The following C3orf52 variants were observed in gnomAD, a reference collection of about 807,000 sequenced individuals.
C3orf52 encodes the protein chromosome 3 open reading frame 52.
C3orf52 carries 22 observed loss-of-function variants against 24.8 expected under a neutral mutation model. The observed-to-expected ratio is 0.89, with a 90% CI of 0.63 to 1.27. The LOEUF is 1.27. Among genes scored for constraint, C3orf52 ranks in the 50% most tolerant of loss-of-function variants. C3orf52 has a pLI of 0.00. For synonymous variants in C3orf52, 93 were observed against 100.2 expected, an observed-to-expected ratio of 0.93 and a Z score of 0.43; for missense variants, 265 against 260.7, an observed-to-expected ratio of 1.02 and a Z score of -0.11.
intron 1 of C3orf52, among the ~76,000 whole-genome samples, chr3:112,088,208 T>A (rs1350217486): frequency 6.6e-6 from 1 of 152,226 alleles, no homozygotes; most frequent in East Asian, 1.9e-4. Flanking sequence ...ACTTGGAGTG[T>A]GTTCAAGGAA....
At chr3:112,134,012 C>G (rs2074520369), downstream of C3orf52, 1 of 152,344 alleles carries the variant, frequency 6.6e-6, no homozygotes, top group African/African-American at 2.4e-5. Flanking sequence ...CAGACCTCAG[C>G]TGGCAGACAG....
Position 112,128,167 on chromosome 3 carries a change from G to T in C3orf52, c.*47-66G>T, listed in dbSNP as rs778100536. The T allele has an allele frequency of 6.5e-6, 6 of 929,490 alleles. No individual in the cohort carries two copies. The South Asian group carries it at 8.2e-5, about 13-fold the overall frequency. 57.6% of individuals were successfully genotyped at this position (929,490 alleles called of 1,614,324 possible). On this transcript the variant is annotated intron_variant, in intron 4 of 4. Coordinates refer to the C3orf52 transcript ENST00000480282. ...TCTGTGGAAAACTTTTTTTCTCCCCGCAAGCGTGTTTCATTCTAGATAACT... is the reference window on the plus strand; with the variant it reads ...TCTGTGGAAAACTTTTTTTCTCCCCTCAAGCGTGTTTCATTCTAGATAACT...
intron 1 of C3orf52, 139 bp downstream of exon 1, chr3:112,086,684 C>A: frequency 1.8e-6 from 2 of 1,119,884 alleles, no homozygotes; most frequent in Non-Finnish European, 2.5e-6. Context: ...CGCTCGAGTG[C>A]TCTGAATGGA....
chr3:112,099,228 AT>A lies in C3orf52; in HGVS notation c.269-3608del, dbSNP rs2073950889. 2.0e-5 allele frequency among the ~76,000 whole-genome samples: 3 copies of A among 152,098 alleles called. No homozygotes were observed. In the South Asian group the frequency reaches 6.2e-4, roughly 32 times the overall value. ...ACAATTAAACCTCTTTTCTTCATAA[AT>A]TGCCCAGTCTCAGGTAGTTCTTTAT... is the stretch of plus-strand genomic sequence containing the variant. On this transcript the variant is annotated intron_variant, in intron 2 of 5. Transcript: ENST00000264848.
chr3:112,086,679 G>A (rs1559968170), intron 1 of C3orf52, 134 bp downstream of exon 1: 2 of 1,164,876 alleles, frequency 1.7e-6, no homozygotes, highest in Non-Finnish European at 2.4e-6. Flanking sequence ...GGGCGCGCTC[G>A]AGTGCTCTGA....
At chr3:112,098,426 T>C (rs1370956207) in intron 2 of C3orf52, among the ~76,000 whole-genome samples, 2 of 152,196 alleles carry the variant, frequency 1.3e-5, no homozygotes, top group Non-Finnish European at 2.9e-5. Flanking sequence ...ATTCTTTTTC[T>C]TGGAGAGCTC....
downstream of C3orf52, chr3:112,130,758 C>G (rs909425911): frequency 7.6e-6 from 4 of 528,258 alleles, no homozygotes; most frequent in African/African-American, 1.9e-5. Context: ...AACAAGTGAT[C>G]CTAAATCATC....
intron 2 of C3orf52, among the ~76,000 whole-genome samples, chr3:112,096,080 C>T (rs1204981794): frequency 6.6e-6 from 1 of 152,182 alleles, no homozygotes; most frequent in Non-Finnish European, 1.5e-5. Flanking sequence ...ATTTGCCATT[C>T]ATTGCCTGCT....
chr3:112,093,297 A>G, intron 1 of C3orf52, 63 bp from the exon 2 acceptor site: 5 of 1,568,982 alleles, frequency 3.2e-6, no homozygotes, highest in Non-Finnish European at 4.4e-6. Flanking sequence ...GGCACATCCT[A>G]GGTATTCAGA....
chr3:112,093,853 T>C (rs1469999841), intron 2 of C3orf52, among the ~76,000 whole-genome samples: 1 of 152,244 alleles, frequency 6.6e-6, no homozygotes, highest in Admixed American at 6.5e-5. Context: ...TTTCATTTGT[T>C]TGCTAAAAAT....
intron 2 of C3orf52, among the ~76,000 whole-genome samples, chr3:112,096,490 A>G (rs183209828): frequency 8.5e-5 from 13 of 152,350 alleles, no homozygotes; most frequent in African/African-American, 2.2e-4. Context: ...GATTTATGGT[A>G]AGTATGTGCT....
chr3:112,090,718 G>A (rs920116649), intron 1 of C3orf52, among the ~76,000 whole-genome samples: 1 of 152,106 alleles, frequency 6.6e-6, no homozygotes, highest in African/African-American at 2.4e-5. Flanking sequence ...GATCTCTAAG[G>A]GACAGCATAA....
downstream of C3orf52, chr3:112,119,456 CG>C (rs1174131911): frequency 2.8e-6 from 2 of 702,728 alleles, no homozygotes; most frequent in African/African-American, 1.7e-5. Context: ...AATCAGAGGA[CG>C]TTTTTTTGTA....
At chr3:112,107,651 T>A (rs1160699972) in intron 3 of C3orf52, among the ~76,000 whole-genome samples, 1 of 152,252 alleles carries the variant, frequency 6.6e-6, no homozygotes, top group Non-Finnish European at 1.5e-5. Context: ...TGGCTTCTCC[T>A]TTTACTAGCA....
intron 4 of C3orf52, among the ~76,000 whole-genome samples, chr3:112,110,909 T>G (rs951421351): frequency 2.0e-5 from 3 of 152,164 alleles, no homozygotes; most frequent in Non-Finnish European, 4.4e-5. Context: ...TTTGATCTCC[T>G]TCTTTAAAGA....
intron 5 of C3orf52, among the ~76,000 whole-genome samples, chr3:112,114,583 A>T (rs2074117388): frequency 6.6e-6 from 1 of 152,046 alleles, no homozygotes; most frequent in Admixed American, 6.5e-5. Context: ...AGGTGCTTAT[A>T]ATCCCAGCTA....
chr3:112,123,712 G>A (rs1196204438), intron 4 of C3orf52: 1 of 1,613,976 alleles, frequency 6.2e-7, no homozygotes, highest in African/African-American at 1.3e-5. Flanking sequence ...CTTGTACAGA[G>A]AACCCGATGA....
chr3:112,130,423 G>A (rs2074425957), downstream of C3orf52: 2 of 1,605,132 alleles, frequency 1.2e-6, no homozygotes, highest in Middle Eastern at 1.7e-4. Flanking sequence ...TCTGGGGGGT[G>A]TTTGGTTGAT....
chr3:112,104,528 T>G (rs937306000), intron 3 of C3orf52, among the ~76,000 whole-genome samples: 4 of 152,192 alleles, frequency 2.6e-5, no homozygotes, highest in Non-Finnish European at 1.5e-5. Flanking sequence ...TTTCATTGCT[T>G]CTTTTATCAC....
Sources: gnomAD v4.1 joint callset for allele counts (sites outside exome capture counted in the v4.1 genomes callset) on GRCh38, gnomAD v4.1.1 for gene constraint, MANE v1.5 for transcripts, NCBI Gene and HGNC (gene_info 2026-07-23, HGNC 2026-07-21) for gene names.